GBP1: variants seen among roughly 807,000 people sequenced by gnomAD.
The protein encoded by GBP1 is guanylate binding protein 1.
A neutral mutation model predicts 69.5 loss-of-function variants in GBP1; 64 were observed. The observed-to-expected ratio is 0.92, with a 90% CI of 0.75 to 1.13. GBP1 has a LOEUF of 1.13. Ranked by LOEUF, GBP1 falls within the 50% of genes most tolerant of loss-of-function variation. GBP1 has a pLI of 0.00. For missense variants in GBP1, 630 were observed against 704.1 expected (o/e 0.89, Z 1.19); for synonymous variants, 250 against 261.2 (o/e 0.96, Z 0.41).
At chr1:89,061,573 A>G in intron 2 of GBP1, among the ~76,000 whole-genome samples, 1 of 152,176 alleles carries the variant, frequency 6.6e-6, no homozygotes, top group Non-Finnish European at 1.5e-5. Flanking sequence ...AATAAAGGGT[A>G]AAAGTTTTAT....
chr1:89,063,985 T>G (rs1041031610), intron 1 of GBP1, among the ~76,000 whole-genome samples: 9 of 152,120 alleles, frequency 5.9e-5, no homozygotes, highest in Admixed American at 1.3e-4. Flanking sequence ...AATGCAAAAT[T>G]GCAAATACTG....
Position 89,056,009 on chromosome 1 carries a change from T to A in GBP1, c.1368+7A>T, listed in dbSNP as rs751846532. The A allele has an allele frequency of 6.2e-7, 1 of 1,613,942 alleles. No homozygotes were observed. Among genetic ancestry groups the A allele is most frequent in the Non-Finnish European group, 8.5e-7 (1 of 1,179,812 alleles). On this transcript the variant is annotated splice_region_variant and intron_variant, in intron 8 of 10. Transcript: ENST00000370473. ...CTTTCCATAATTGACAGATAAATCTTGGTTACCTGTATCCCCTTCCTCGGT... is the reference window on the plus strand; with the variant it reads ...CTTTCCATAATTGACAGATAAATCTAGGTTACCTGTATCCCCTTCCTCGGT...
At chr1:89,058,488 T>A (rs1156331509) in intron 5 of GBP1, 3 of 519,844 alleles carry the variant, frequency 5.8e-6, no homozygotes, top group Non-Finnish European at 1.0e-5. Context: ...AGTTTGCCAA[T>A]GCTTGGACTA....
At chr1:89,064,232 TGTGTGTGTGA>T (rs1481234006) in intron 1 of GBP1, among the ~76,000 whole-genome samples, 30 of 113,630 alleles carry the variant, frequency 2.6e-4, no homozygotes, top group African/African-American at 6.2e-4. Flanking sequence ...TGTGTGTGTG[TGTGTGTGTGA>T]GAGAGAGAGA....
intron 1 of GBP1, 26 bp from the exon 2 acceptor site, chr1:89,063,279 G>A (rs1268855398): frequency 6.3e-7 from 1 of 1,584,584 alleles, no homozygotes; most frequent in Admixed American, 1.7e-5. Context: ...TGAAATACAT[G>A]AGAATTTCTA....
chr1:89,064,771 C>T (rs1680294672), intron 1 of GBP1, among the ~76,000 whole-genome samples: 1 of 152,172 alleles, frequency 6.6e-6, no homozygotes. Flanking sequence ...TTCTTAGCTG[C>T]ATAGAAGCAG....
At chr1:89,055,506 A>G in intron 8 of GBP1, 1 of 362,288 alleles carries the variant, frequency 2.8e-6, no homozygotes, top group Non-Finnish European at 5.1e-6. Flanking sequence ...GTGGTCCCAT[A>G]TGGGCTGAGC....
At position 89,055,140 on chromosome 1, in the gene GBP1, G is replaced by C; in HGVS notation, c.1444C>G (p.Leu482Val). 3 of 1,609,650 alleles carry C rather than the reference G, an allele frequency of 1.9e-6. No individual in the cohort carries two copies. The highest frequency in any genetic ancestry group is 1.7e-4 in the Middle Eastern group (1 of 6,044). Residue 482 changes from leucine to valine, a missense_variant, in exon 9 of 11, where the codon CTC becomes GTC. Coordinates refer to ENST00000370473, the MANE Select transcript of GBP1 (RefSeq NM_002053.3). ...TDAILQTDQT[L>V]TEKEKEIEVE... Reference sequence around the variant, plus strand: ...TCAATCTCCTTTTCTTTTTCTGTGAGAGTCTGGTCTGTCTGGAGAATTGCA... The same window carrying C: ...TCAATCTCCTTTTCTTTTTCTGTGACAGTCTGGTCTGTCTGGAGAATTGCA...
rs777378739 is a variant in GBP1 at position 89,053,484 on chromosome 1, C to G, written c.1666-16G>C. ...GCTCCTGTTCCTAAAAAGGGACAAA[C>G]GAAGGCTGAGTAAAGTGTAGCATCA... On this transcript the variant is annotated splice_polypyrimidine_tract_variant and intron_variant, in intron 10 of 10. Coordinates refer to ENST00000370473, the MANE Select transcript of GBP1 (RefSeq NM_002053.3). 4.3e-6 allele frequency: 7 copies of G among 1,611,290 alleles called. No individual in the cohort carries two copies. The highest frequency in any genetic ancestry group is 5.9e-6 in the Non-Finnish European group (7 of 1,179,206).
chr1:89,062,999 T>TA, intron 2 of GBP1, 46 bp downstream of exon 2: 1 of 1,604,658 alleles, frequency 6.2e-7, no homozygotes, highest in African/African-American at 1.3e-5. Context: ...GCTGACTGTG[T>TA]AGATGGACAG....
rs1344702929 is a variant in GBP1 at position 89,055,168 on chromosome 1, A to C, written c.1416T>G (p.Thr472=). The C allele has an allele frequency of 6.2e-7, 1 of 1,610,198 alleles. No homozygotes were observed. Among genetic ancestry groups the C allele is most frequent in the East Asian group, 2.2e-5 (1 of 44,898 alleles). The part of the protein sequence containing the change: ...QTYLKSKESM[T]DAILQTDQTL... ...TCTGGTCTGTCTGGAGAATTGCATC[A>C]GTCATAGACTCCTTGGATTTCAAGT... Residue 472 remains threonine, a synonymous_variant, in exon 9 of 11, where the codon ACT becomes ACG. Coordinates refer to ENST00000370473, the MANE Select transcript of GBP1 (RefSeq NM_002053.3).
At chr1:89,061,699 C>G (rs562519828) in intron 2 of GBP1, among the ~76,000 whole-genome samples, 11 of 152,040 alleles carry the variant, frequency 7.2e-5, no homozygotes, top group African/African-American at 2.7e-4. Flanking sequence ...TTAACGGACA[C>G]TATCAACAGA....
In GBP1 at chr1:89,056,022, C is replaced by T. The variant is rs928093455; in HGVS notation, c.1362G>A (p.Gly454=). The T allele has an allele frequency of 3.7e-6, 6 of 1,613,806 alleles. No homozygotes were observed. In the African/African-American group the frequency reaches 8.0e-5, roughly 22 times the overall value. The change falls in exon 8 of 11, where the codon GGG becomes GGA. Residue 454 remains glycine, a synonymous_variant. Coordinates refer to ENST00000370473, the MANE Select transcript of GBP1 (RefSeq NM_002053.3). ...KKKYYEEPRK[G]IQAEEILQTY... Reference sequence around the variant, plus strand: ...ACAGATAAATCTTGGTTACCTGTATCCCCTTCCTCGGTTCCTCATAGTACT... The same window carrying T: ...ACAGATAAATCTTGGTTACCTGTATTCCCTTCCTCGGTTCCTCATAGTACT...
chr1:89,056,948 A>C lies in GBP1; in HGVS notation c.1061T>G (p.Leu354Arg). Reference sequence around the variant, plus strand: ...TCTCTCACTGTCCCTGTGCAGGTCCAGCAGCTCCTGGAGGGTTTCTGTGGG... The same window carrying C: ...TCTCTCACTGTCCCTGTGCAGGTCCCGCAGCTCCTGGAGGGTTTCTGTGGG... ...QLPTETLQEL[L>R]DLHRDSEREA... Residue 354 changes from leucine to arginine, a missense_variant, in exon 7 of 11, where the codon CTG (leucine) becomes CGG (arginine). Physicochemically the swap from Leu to Arg is moderately radical, Grantham distance 102 (BLOSUM62 -2). This residue lies in a region of GBP1 where 367 missense variants were observed against 369.5 expected (regional missense o/e 0.99). Transcript: ENST00000370473. The C allele has an allele frequency of 1.9e-6, 3 of 1,614,202 alleles. No homozygotes were observed. The highest frequency in any genetic ancestry group is 1.7e-6 in the Non-Finnish European group (2 of 1,180,026).
At chr1:89,062,822 G>T (rs533088791) in intron 2 of GBP1, 5 of 536,796 alleles carry the variant, frequency 9.3e-6, no homozygotes, top group East Asian at 8.9e-5. Context: ...TTTAGGAGAG[G>T]CATAATTTGT....
chr1:89,057,843 ACAATATATGTTAGAAACAT>A, intron 6 of GBP1, 130 bp downstream of exon 6: 3 of 941,488 alleles, frequency 3.2e-6, no homozygotes, highest in Non-Finnish European at 4.6e-6. Context: ...AATGTGACTA[ACAATATATGTTAGAAACAT>A]TGGTGCCATC....
chr1:89,057,402 T>A (rs1239417102), intron 6 of GBP1, among the ~76,000 whole-genome samples: 1 of 152,248 alleles, frequency 6.6e-6, no homozygotes, highest in Admixed American at 6.5e-5. Context: ...GTTAATTGAA[T>A]GTTTGCATCC....
intron 10 of GBP1, 139 bp downstream of exon 10, chr1:89,054,543 A>G (rs1171288748): frequency 3.9e-6 from 3 of 765,492 alleles, no homozygotes; most frequent in Non-Finnish European, 6.5e-6. Context: ...GGCTGGACAG[A>G]CAGGAATTGA....
In GBP1 at chr1:89,053,338, C is replaced by A. The variant is rs753756093; in HGVS notation, c.*17G>T. On this transcript the variant is annotated 3_prime_UTR_variant, in exon 11 of 11. Transcript: ENST00000370473. ...TCAATTATGCCTTGGTTAGGGGTGA[C>A]AGGAAGGCTCTGGTCTTTAGCTTAT... 3 of 1,596,394 alleles carry A rather than the reference C, an allele frequency of 1.9e-6. No individual in the cohort carries two copies. The Admixed American group carries it at 5.1e-5, about 27-fold the overall frequency.
Sources: gnomAD v4.1 joint callset for allele counts (sites outside exome capture counted in the v4.1 genomes callset) on GRCh38, gnomAD v4.1.1 for gene constraint, gnomAD v4.1.1 regional missense constraint, MANE v1.5 for transcripts, NCBI Gene and HGNC (gene_info 2026-07-23, HGNC 2026-07-21) for gene names.